TENM1: variants seen among roughly 807,000 people sequenced by gnomAD.
TENM1 encodes teneurin-1.
Under a neutral mutation model 174.8 loss-of-function variants are expected in TENM1, and 35 were observed. The ratio of observed to expected loss-of-function variants is 0.20; its 90% CI spans 0.15 to 0.27. The LOEUF (loss-of-function observed/expected upper bound fraction) is 0.27. Ranked by LOEUF, TENM1 falls within the 10% of genes least tolerant of loss-of-function variation. TENM1 has a pLI of 1.00. For missense variants in TENM1, 1,633 were observed against 2,130.1 expected, an observed-to-expected ratio of 0.77 and a Z score of 4.59; for synonymous variants, 781 against 798.7, an observed-to-expected ratio of 0.98 and a Z score of 0.37.
chrX:124,711,268 G>A (rs978064041), intron 4 of TENM1, among the ~76,000 whole-genome samples: 2 of 111,511 alleles, frequency 1.8e-5, no homozygotes, highest in Non-Finnish European at 3.8e-5. Flanking sequence ...AAATGCCCCT[G>A]TAAGGATTTT....
At chrX:124,496,762 A>G (rs886984676) in intron 20 of TENM1, among the ~76,000 whole-genome samples, 14 of 111,638 alleles carry the variant, frequency 1.3e-4, no homozygotes, top group Admixed American at 7.6e-4. Flanking sequence ...CAGTGTCAGC[A>G]CTGTTTACAG....
intron 3 of TENM1, among the ~76,000 whole-genome samples, chrX:124,800,896 G>A (rs781170840): frequency 3.2e-4 from 36 of 111,908 alleles, no homozygotes; most frequent in Non-Finnish European, 5.6e-4. Flanking sequence ...CAATTTCCAC[G>A]TAGTTGTGTG....
intron 11 of TENM1, among the ~76,000 whole-genome samples, chrX:124,623,760 T>G (rs2050576333): frequency 1.8e-5 from 2 of 111,762 alleles, no homozygotes; most frequent in African/African-American, 6.5e-5. Context: ...CATTTTTGAT[T>G]ACTTTATTCT....
At chrX:124,999,865 G>A in the TENM1 span, among the ~76,000 whole-genome samples, 1 of 111,579 alleles carries the variant, frequency 9.0e-6, no homozygotes, top group East Asian at 2.8e-4. Context: ...GGAATTGCTG[G>A]CAAGAACTGA....
At chrX:124,938,283 T>C (rs950156022) in intron 1 of TENM1, among the ~76,000 whole-genome samples, 27 of 111,957 alleles carry the variant, frequency 2.4e-4, no homozygotes. Context: ...GAAGTTCAAA[T>C]TATAAGGGCA....
chrX:124,726,734 C>G (rs914718616), intron 4 of TENM1, among the ~76,000 whole-genome samples: 29 of 111,331 alleles, frequency 2.6e-4, no homozygotes, highest in African/African-American at 8.8e-4. Flanking sequence ...TGCAAATGTT[C>G]TAGAAAAAAA....
At chrX:124,940,844 G>C (rs2058315271) in intron 1 of TENM1, among the ~76,000 whole-genome samples, 1 of 111,132 alleles carries the variant, frequency 9.0e-6, no homozygotes, top group Non-Finnish European at 1.9e-5. Flanking sequence ...CCAGGACCTT[G>C]CTCCATCAGA....
Position 124,672,717 on chromosome X carries a change from T to C in TENM1, c.1016-882A>G, listed in dbSNP as rs369365495. Among the ~76,000 whole-genome samples the C allele has an allele frequency of 5.8e-4, 65 of 111,949 alleles. 1 individual carries two copies. The highest frequency in any genetic ancestry group is 8.5e-4 in the Admixed American group (9 of 10,531). ...GGGATTAATCAAATAACTGATGAGA[T>C]AGTAAATAATACAAGATTATGCGGC... On this transcript the variant is annotated intron_variant, in intron 5 of 31. Coordinates refer to ENST00000422452, the Ensembl canonical transcript of TENM1.
chrX:124,757,937 C>T (rs1343113411), intron 3 of TENM1, among the ~76,000 whole-genome samples: 1 of 111,894 alleles, frequency 8.9e-6, no homozygotes, highest in Non-Finnish European at 1.9e-5. Flanking sequence ...AACATTTTAA[C>T]AGAAGTTTGT....
At chrX:124,664,533 A>G (rs1025699038) in intron 6 of TENM1, among the ~76,000 whole-genome samples, 1 of 71,995 alleles carries the variant, frequency 1.4e-5, no homozygotes, top group Non-Finnish European at 2.6e-5. Context: ...AAAGCAAAAG[A>G]AAAAAAAAAA....
chrX:124,698,724 C>T (rs750385714), intron 5 of TENM1, among the ~76,000 whole-genome samples: 1 of 111,458 alleles, frequency 9.0e-6, no homozygotes, highest in Non-Finnish European at 1.9e-5. Context: ...TCCTGCTTAC[C>T]GTCTTCATTT....
chrX:124,501,757 TCA>T (rs2047335416), intron 19 of TENM1, among the ~76,000 whole-genome samples: 1 of 111,280 alleles, frequency 9.0e-6, no homozygotes, highest in African/African-American at 3.3e-5. Context: ...AGCTGCTCCA[TCA>T]CACTTATCAT....
intron 15 of TENM1, among the ~76,000 whole-genome samples, chrX:124,535,601 T>C (rs149371262): frequency 2.1e-3 from 239 of 111,892 alleles, no homozygotes; most frequent in African/African-American, 7.4e-3. Context: ...TCCATCCTCA[T>C]TATTCTTATT....
At chrX:124,452,247 G>A (rs1231101236) in intron 23 of TENM1, among the ~76,000 whole-genome samples, 3 of 112,792 alleles carry the variant, frequency 2.7e-5, no homozygotes, top group African/African-American at 9.7e-5. Flanking sequence ...GGACATTTAT[G>A]CAGCCAACAG....
the TENM1 span, among the ~76,000 whole-genome samples, chrX:125,071,998 A>G: frequency 9.0e-6 from 1 of 111,482 alleles, no homozygotes. Flanking sequence ...ATATAATTTT[A>G]CAGAGGTGGG....
Position 124,867,134 on chromosome X carries a change from T to C in TENM1, c.535+27162A>G, listed in dbSNP as rs776918775. The stretch of plus-strand genomic sequence containing the variant: ...GGAGGAGACAATACCTCCAAACTCA[T>C]TCTATAGGTCCAATATTACCCTGAT... On this transcript the variant is annotated intron_variant, in intron 3 of 31. Coordinates refer to ENST00000422452, the Ensembl canonical transcript of TENM1. Among the ~76,000 whole-genome samples, 56 of 111,631 alleles carry C rather than the reference T, an allele frequency of 5.0e-4. No homozygotes were observed. In the South Asian group the frequency reaches 5.2e-3, roughly 10 times the overall value.
chrX:124,599,990 A>G (rs1294268599), intron 11 of TENM1, among the ~76,000 whole-genome samples: 1 of 110,567 alleles, frequency 9.0e-6, no homozygotes, highest in African/African-American at 3.3e-5. Flanking sequence ...ATAGATAAAA[A>G]GGTGAATATT....
intron 22 of TENM1, among the ~76,000 whole-genome samples, chrX:124,474,800 C>T (rs2061370103): frequency 8.9e-6 from 1 of 111,740 alleles, no homozygotes; most frequent in Admixed American, 9.5e-5. Context: ...ACAGGTTAAC[C>T]TCTAATTCTG....
rs186234867 is a variant in TENM1 at position 124,639,922 on chromosome X, T to C, written c.2077+1869A>G. ...ATAATACCCAGAAACTTTCCCTTTG[T>C]AACCTTTTTCTAACTTGTTCAATGT... On this transcript the variant is annotated intron_variant, in intron 11 of 31. Transcript: ENST00000422452. 5.7e-3 allele frequency among the ~76,000 whole-genome samples: 633 copies of C among 110,831 alleles called. 6 individuals carry two copies. Among genetic ancestry groups the C allele is most frequent in the African/African-American group, 0.02 (615 of 30,475 alleles).
Sources: gnomAD v4.1 joint callset for allele counts (sites outside exome capture counted in the v4.1 genomes callset) on GRCh38, gnomAD v4.1.1 for gene constraint, MANE v1.5 for transcripts, NCBI Gene and HGNC (gene_info 2026-07-23, HGNC 2026-07-21) for gene names.